The following CROCC variants were observed in gnomAD, a reference collection of about 807,000 sequenced individuals.
CROCC encodes rootletin.
Under a neutral mutation model 245.2 loss-of-function variants are expected in CROCC, and 180 were observed. The observed-to-expected ratio is 0.73, with a 90% CI of 0.65 to 0.83. The LOEUF (loss-of-function observed/expected upper bound fraction) is 0.83, where lower values mean the gene tolerates loss of function less well. Among genes scored for constraint, CROCC ranks in the 40% least tolerant of loss-of-function variants. The pLI is 0.00. For missense variants in CROCC, 2,688 were observed against 2,779.4 expected, an observed-to-expected ratio of 0.97 and a Z score of 0.74; for synonymous variants, 1,205 against 1,241.6, an observed-to-expected ratio of 0.97 and a Z score of 0.62.
chr1:16,926,462 G>A (rs1465637552), intron 3 of CROCC, among the ~76,000 whole-genome samples: 2 of 152,270 alleles, frequency 1.3e-5, no homozygotes, highest in Non-Finnish European at 2.9e-5. Context: ...CTGCCCCTGT[G>A]GCCCTCACTG....
rs1311368375 is a variant in CROCC, at chr1:16,972,871, CCTCAGAGTG to C, written c.*434_*442del. 1 of 157,448 alleles carries C rather than the reference CCTCAGAGTG, an allele frequency of 6.4e-6. No homozygotes were observed. The highest frequency in any genetic ancestry group is 6.5e-5 in the Admixed American group (1 of 15,376). The allele number at this position is 157,448 out of a possible 1,614,324, so 9.8% of individuals were successfully genotyped here. On this transcript the variant is annotated 3_prime_UTR_variant, in exon 37 of 37. Transcript: ENST00000375541. ...AGTTAAGAGCATGTGTCGGGAAATTCCTCAGAGTGCTCAGAGTCCCTGTATTTTTATACC... is the reference window on the plus strand; with the variant it reads ...AGTTAAGAGCATGTGTCGGGAAATTCCTCAGAGTCCCTGTATTTTTATACC...
At chr1:16,951,155 C>G (rs1427687902) in intron 20 of CROCC, 33 bp downstream of exon 20, 15 of 1,437,432 alleles carry the variant, frequency 1.0e-5, no homozygotes, top group Non-Finnish European at 1.3e-5. Flanking sequence ...GGGCAGGACT[C>G]TGAGCCAGTG....
rs373566591 is a variant in CROCC at position 16,969,106 on chromosome 1, C to G, written c.5077-10C>G. 3,589 of 1,589,430 alleles carry G rather than the reference C, an allele frequency of 2.3e-3. 8 individuals carry two copies. Among genetic ancestry groups the G allele is most frequent in the Non-Finnish European group, 3.0e-3 (3,474 of 1,168,584 alleles). ...AACAGCCCCGATTGTTCTGGCTGTC[C>G]TCCTGCCAGGTGGCCGACAGCGAGG... On this transcript the variant is annotated splice_polypyrimidine_tract_variant and intron_variant, in intron 31 of 36. Transcript: ENST00000375541.
Position 16,969,267 on chromosome 1 carries a change from A to G in CROCC, c.5228A>G (p.Asn1743Ser), listed in dbSNP as rs746665221. The change falls in exon 32 of 37, where the codon AAC (asparagine) becomes AGC (serine). Residue 1743 changes from asparagine (N) to serine (S), a missense_variant. Around this residue, in one of 9 missense-constraint regions of CROCC, gnomAD observed 1,218 missense variants for 1,286.3 expected, o/e 0.95. Coordinates refer to ENST00000375541, the MANE Select transcript of CROCC (RefSeq NM_014675.5). ...EALAQSSASL[N>S]STRDKNLHLQ... is the part of the protein sequence containing the mutation. ...CTGGCCCAGAGCAGTGCCAGCCTCA[A>G]CAGCACCCGGGACAAGAACCTGCAT... is the stretch of plus-strand genomic sequence containing the variant. 2 of 1,613,300 alleles carry G rather than the reference A, an allele frequency of 1.2e-6. No individual in the cohort carries two copies. The highest frequency in any genetic ancestry group is 1.3e-5 in the African/African-American group (1 of 74,924).
At chr1:16,964,325 CTTT>C (rs1472058189) in intron 27 of CROCC, among the ~76,000 whole-genome samples, 1 of 151,232 alleles carries the variant, frequency 6.6e-6, no homozygotes, top group African/African-American at 2.4e-5. Context: ...TTTCTCTTTT[CTTT>C]TCTTTTCTTT....
rs1167385424 is a variant in CROCC, at chr1:16,946,761, C to G, written c.2284C>G (p.Leu762Val). 1.9e-6 allele frequency: 3 copies of G among 1,551,178 alleles called. No homozygotes were observed. The highest frequency in any genetic ancestry group is 4.9e-5 in the East Asian group (2 of 40,944). Reference sequence around the variant, plus strand: ...GGCCCCACTCCTACCTGGCCTCCAGCTGGAGGAAGAAAAGTCCGCCCTGCA... The same window carrying G: ...GGCCCCACTCCTACCTGGCCTCCAGGTGGAGGAAGAAAAGTCCGCCCTGCA... ...KLDLNRLVAQLEEEKSALQGR... is the reference protein window; with the variant it reads ...KLDLNRLVAQVEEEKSALQGR... The change falls in exon 17 of 37, where the codon CTG becomes GTG. Residue 762 changes from leucine (L) to valine (V), a missense_variant and splice_region_variant. Around this residue, in one of 9 missense-constraint regions of CROCC, gnomAD observed 295 missense variants for 241.7 expected, o/e 1.22. Transcript: ENST00000375541.
chr1:16,930,319 C>T lies in CROCC; in HGVS notation c.655C>T (p.Leu219Phe), dbSNP rs1442951472. 1 of 1,609,044 alleles carries T rather than the reference C, an allele frequency of 6.2e-7. No individual in the cohort carries two copies. The highest frequency in any genetic ancestry group is 1.7e-5 in the Admixed American group (1 of 59,410). The part of the protein sequence containing the change: ...TEHSQDLESA[L>F]IRLEEEQQRS... ...GCACAGCCAAGACCTGGAAAGCGCCCTCATCCGGCTGGAGGAGGAGCAGCA... is the reference window on the plus strand; with the variant it reads ...GCACAGCCAAGACCTGGAAAGCGCCTTCATCCGGCTGGAGGAGGAGCAGCA... Residue 219 changes from leucine (L) to phenylalanine (F), a missense_variant, in exon 6 of 37, where the codon CTC becomes TTC. Transcript: ENST00000375541.
chr1:16,943,864 C>T (rs2075987249), intron 13 of CROCC, among the ~76,000 whole-genome samples: 1 of 152,280 alleles, frequency 6.6e-6, no homozygotes, highest in Non-Finnish European at 1.5e-5. Flanking sequence ...GAGATCACAC[C>T]AGCACCTCCA....
intron 31 of CROCC, 108 bp downstream of exon 31, chr1:16,968,526 A>G: frequency 8.8e-7 from 1 of 1,130,974 alleles, no homozygotes; most frequent in Non-Finnish European, 1.2e-6. Flanking sequence ...TATTACCCAC[A>G]TCCCCATTTC....
Position 16,948,431 on chromosome 1 carries a change from A to G in CROCC, c.2615A>G (p.Glu872Gly). Residue 872 changes from glutamate (E) to glycine (G), a missense_variant, in exon 18 of 37, where the codon GAG becomes GGG. Coordinates refer to ENST00000375541, the MANE Select transcript of CROCC (RefSeq NM_014675.5). ...EALERAAREK[E>G]ALAKEHAGLA... ...CTGGAGCGAGCGGCCCGTGAGAAGG[A>G]GGCGCTAGCCAAGGAGCACGCTGGC... is the stretch of plus-strand genomic sequence containing the variant. 1 of 1,569,646 alleles carries G rather than the reference A, an allele frequency of 6.4e-7. No individual in the cohort carries two copies. The highest frequency in any genetic ancestry group is 1.2e-5 in the South Asian group (1 of 85,944).
At chr1:16,960,643 G>A in intron 26 of CROCC, 115 bp from the exon 27 acceptor site, 1 of 1,262,724 alleles carries the variant, frequency 7.9e-7, no homozygotes, top group Non-Finnish European at 1.0e-6. Flanking sequence ...CACTAAAGGA[G>A]AAAGGGTTGT....
chr1:16,968,183 G>C lies in CROCC; in HGVS notation c.4861-20G>C. On this transcript the variant is annotated intron_variant, in intron 30 of 36. Coordinates refer to ENST00000375541, the MANE Select transcript of CROCC (RefSeq NM_014675.5). ...CGGGGTGCACTGGACGTCTGGGCCTGAGCCCCATGCCACCTGCAGGAGAAG... is the reference window on the plus strand; with the variant it reads ...CGGGGTGCACTGGACGTCTGGGCCTCAGCCCCATGCCACCTGCAGGAGAAG... The C allele has an allele frequency of 6.4e-7, 1 of 1,552,046 alleles. No homozygotes were observed.
chr1:16,928,017 G>A (rs2075575196), intron 3 of CROCC, among the ~76,000 whole-genome samples: 1 of 152,286 alleles, frequency 6.6e-6, no homozygotes. Context: ...TGGGGTCAAT[G>A]CAGGCCTGGA....
At chr1:16,914,394 G>A (rs1438555681) in intron 1 of CROCC, among the ~76,000 whole-genome samples, 2 of 152,260 alleles carry the variant, frequency 1.3e-5, no homozygotes, top group African/African-American at 2.4e-5. Context: ...GGCCTGCAGG[G>A]CGCAGCCGTC....
chr1:16,954,583 A>T lies in CROCC; in HGVS notation c.3322-151A>T. The T allele has an allele frequency of 8.5e-7, 1 of 1,182,366 alleles. No homozygotes were observed. Among genetic ancestry groups the T allele is most frequent in the Non-Finnish European group, 1.2e-6 (1 of 854,738 alleles). 73.2% of individuals were successfully genotyped at this position (1,182,366 alleles called of 1,614,324 possible). A position where few individuals can be genotyped will look rare whatever the true frequency, so the allele number is the denominator to read the frequency against. The stretch of plus-strand genomic sequence containing the variant: ...GAGGCTGGCTACACGGGCAGCACTC[A>T]CTATGCATCCAGGGGTTGGCAGAGG... On this transcript the variant is annotated intron_variant, in intron 22 of 36. Coordinates refer to ENST00000375541, the MANE Select transcript of CROCC (RefSeq NM_014675.5). This position sits in a 1 kb window ranked among gnomAD's most constrained non-coding sequence, Gnocchi z 4.4.
rs1249442155 is a variant in CROCC, at chr1:16,947,034, G to C, written c.2514+43G>C. 15 of 1,494,168 alleles carry C rather than the reference G, an allele frequency of 1.0e-5. No individual in the cohort carries two copies. The South Asian group carries it at 1.5e-4, about 15-fold the overall frequency. The allele number at this position is 1,494,168 out of a possible 1,614,324, so 92.6% of individuals were successfully genotyped here. A position where few individuals can be genotyped will look rare whatever the true frequency, so the allele number is the denominator to read the frequency against. ...TGGGGGTGGTGTGGAGAGCATGTGG[G>C]GCAGGCCGGGCTCCCAGCCCCCTGC... On this transcript the variant is annotated intron_variant, in intron 17 of 36. Transcript: ENST00000375541.
Position 16,939,178 on chromosome 1 carries a change from A to C in CROCC, c.1608+36A>C, listed in dbSNP as rs1415847040. Reference sequence around the variant, plus strand: ...GCTTGAGCGTTCTGGGCGCAGCCAGAGGCCTGGGGGAGGGGCTCGCGCCCT... The same window carrying C: ...GCTTGAGCGTTCTGGGCGCAGCCAGCGGCCTGGGGGAGGGGCTCGCGCCCT... On this transcript the variant is annotated intron_variant, in intron 12 of 36. Coordinates refer to ENST00000375541, the MANE Select transcript of CROCC (RefSeq NM_014675.5). 9 of 1,190,438 alleles carry C rather than the reference A, an allele frequency of 7.6e-6. No individual in the cohort carries two copies. In the African/African-American group the frequency reaches 1.5e-4, roughly 20 times the overall value. 73.7% of individuals were successfully genotyped at this position (1,190,438 alleles called of 1,614,324 possible).
At chr1:16,917,287 G>C (rs528800110), upstream of CROCC, among the ~76,000 whole-genome samples, 2 of 152,302 alleles carry the variant, frequency 1.3e-5, no homozygotes, top group Non-Finnish European at 2.9e-5. Flanking sequence ...GAGTGTTAAA[G>C]CAGGTAAGGG....
intron 25 of CROCC, 121 bp from the exon 26 acceptor site, chr1:16,958,462 G>A: frequency 8.2e-7 from 1 of 1,222,012 alleles, no homozygotes; most frequent in Non-Finnish European, 1.1e-6. Context: ...GGCTCCCAGT[G>A]GATGTGGGGT....
Sources: allele counts gnomAD v4.1 joint callset (sites outside exome capture counted in the v4.1 genomes callset), GRCh38; gene constraint gnomAD v4.1.1; regional missense constraint gnomAD v4.1.1; non-coding constraint Gnocchi (gnomAD v3.1); transcripts MANE v1.5; gene names NCBI Gene and HGNC (gene_info 2026-07-23, HGNC 2026-07-21).